TSPAN18: variants seen among roughly 807,000 people sequenced by gnomAD.
TSPAN18 encodes the protein tetraspanin-18.
A neutral mutation model predicts 27.3 loss-of-function variants in TSPAN18; 14 were observed. That is an observed-to-expected ratio of 0.51 (90% CI 0.34 to 0.80). TSPAN18 has a LOEUF of 0.80. TSPAN18 is among the 30% of genes least tolerant of loss of function. TSPAN18 has a pLI of 0.01. For synonymous variants in TSPAN18, 143 were observed against 136.5 expected (o/e 1.05, Z -0.33); for missense variants, 268 against 323.9 (o/e 0.83, Z 1.32).
chr11:44,826,746 G>A (rs1181296525), intron 2 of TSPAN18, among the ~76,000 whole-genome samples: 3 of 152,232 alleles, frequency 2.0e-5, no homozygotes, highest in Non-Finnish European at 4.4e-5. Context: ...CTGGATGTTT[G>A]TGTGCCCTTG....
intron 9 of TSPAN18, 146 bp downstream of exon 9, chr11:44,926,903 C>T (rs572180656): frequency 1.5e-4 from 108 of 739,012 alleles, no homozygotes; most frequent in South Asian, 1.3e-3. Context: ...GTGGTAAGCC[C>T]GGCTGTGTCT....
intron 2 of TSPAN18, among the ~76,000 whole-genome samples, chr11:44,853,838 G>A (rs977832297): frequency 2.6e-5 from 4 of 152,260 alleles, no homozygotes; most frequent in East Asian, 1.9e-4. Context: ...GGAGGAGGCC[G>A]CAGCCCTCTG....
chr11:44,860,216 A>G (rs757569525), intron 2 of TSPAN18, 112 bp from the exon 3 acceptor site: 11 of 152,176 alleles, frequency 7.2e-5, no homozygotes, highest in Non-Finnish European at 1.3e-4. Context: ...AGGCTCCTGC[A>G]GTCTTGGTTC....
chr11:44,795,848 AC>A, intron 2 of TSPAN18, among the ~76,000 whole-genome samples: 1 of 152,038 alleles, frequency 6.6e-6, no homozygotes, highest in South Asian at 2.1e-4. Flanking sequence ...GGCACCAAGG[AC>A]CTTTGGAGGC....
intron 2 of TSPAN18, among the ~76,000 whole-genome samples, chr11:44,772,646 C>CA (rs1855714114): frequency 1.3e-5 from 2 of 152,074 alleles, no homozygotes; most frequent in South Asian, 4.2e-4. Flanking sequence ...TATTATTTTG[C>CA]ATTGTTATTT....
At chr11:44,896,794 A>AC (rs1565196877) in intron 3 of TSPAN18, among the ~76,000 whole-genome samples, 1 of 151,616 alleles carries the variant, frequency 6.6e-6, no homozygotes, top group Non-Finnish European at 1.5e-5. Flanking sequence ...CACCACCACC[A>AC]CCACCACTAC....
At chr11:44,802,646 C>T (rs555485125) in intron 2 of TSPAN18, among the ~76,000 whole-genome samples, 79 of 150,964 alleles carry the variant, frequency 5.2e-4, no homozygotes, top group Non-Finnish European at 9.4e-4. Context: ...CAGCCTCTGG[C>T]AGGGTGGGCT....
intron 2 of TSPAN18, among the ~76,000 whole-genome samples, chr11:44,827,388 G>T (rs1375304287): frequency 6.6e-6 from 1 of 152,248 alleles, no homozygotes; most frequent in African/African-American, 2.4e-5. Context: ...CTTGGACCCT[G>T]AATGTCTGTG....
chr11:44,766,404 G>T (rs1190670519), intron 2 of TSPAN18, among the ~76,000 whole-genome samples: 1 of 152,164 alleles, frequency 6.6e-6, no homozygotes, highest in Non-Finnish European at 1.5e-5. Context: ...GGCAGCAGCT[G>T]CCCTGATCCC....
intron 8 of TSPAN18, among the ~76,000 whole-genome samples, chr11:44,920,935 AG>A (rs1281801618): frequency 3.3e-5 from 5 of 152,234 alleles, no homozygotes; most frequent in Non-Finnish European, 7.3e-5. Context: ...AAACCAGATG[AG>A]GGGCTAGAAT....
At chr11:44,803,668 G>T (rs113645709) in intron 2 of TSPAN18, among the ~76,000 whole-genome samples, 1 of 152,142 alleles carries the variant, frequency 6.6e-6, no homozygotes, top group Non-Finnish European at 1.5e-5. Flanking sequence ...GAGACGAGGG[G>T]CTGATGCAGG....
intron 2 of TSPAN18, among the ~76,000 whole-genome samples, chr11:44,766,552 G>C (rs528244485): frequency 6.6e-6 from 1 of 152,354 alleles, no homozygotes; most frequent in Admixed American, 6.5e-5. Context: ...ATCAGGGGAA[G>C]TCGTGGGCCT....
rs1855520937 is a variant in TSPAN18, at chr11:44,764,468, C to G, written c.-197C>G. ...CTGTCAGGAGGACACTGTAAGAGAA[C>G]CTTGGCACCTCTGGGCCCAAAGGGA... is the stretch of plus-strand genomic sequence containing the variant. On this transcript the variant is annotated 5_prime_UTR_variant, in exon 2 of 10. Transcript: ENST00000520358. 2 of 152,248 alleles carry G rather than the reference C, an allele frequency of 1.3e-5. No homozygotes were observed. Among genetic ancestry groups the G allele is most frequent in the Non-Finnish European group, 1.5e-5 (1 of 68,064 alleles). 9.4% of individuals were successfully genotyped at this position (152,248 alleles called of 1,614,324 possible).
chr11:44,871,162 A>T (rs1483899627), intron 3 of TSPAN18, among the ~76,000 whole-genome samples: 1 of 152,188 alleles, frequency 6.6e-6, no homozygotes, highest in African/African-American at 2.4e-5. Flanking sequence ...TGTCATTTGC[A>T]GTTTGGGCTA....
chr11:44,861,436 G>T (rs1313767251), intron 3 of TSPAN18, among the ~76,000 whole-genome samples: 1 of 143,880 alleles, frequency 7.0e-6, no homozygotes, highest in African/African-American at 2.6e-5. Flanking sequence ...CGGGGCTGTG[G>T]GGACTGGTCG....
chr11:44,873,549 C>T (rs577396795), intron 3 of TSPAN18, among the ~76,000 whole-genome samples: 18 of 152,334 alleles, frequency 1.2e-4, no homozygotes, highest in South Asian at 8.3e-4. Flanking sequence ...AGGGACTGTA[C>T]CCAGTGATGC....
chr11:44,748,644 G>A (rs1050091835), intron 1 of TSPAN18, among the ~76,000 whole-genome samples: 1 of 152,162 alleles, frequency 6.6e-6, no homozygotes, highest in Admixed American at 6.5e-5. Context: ...GTTCAAGATC[G>A]TGATTTACTC....
intron 2 of TSPAN18, among the ~76,000 whole-genome samples, chr11:44,767,018 C>T (rs1855583676): frequency 1.3e-5 from 2 of 152,144 alleles, no homozygotes; most frequent in Non-Finnish European, 2.9e-5. Flanking sequence ...GTGTAGCCTC[C>T]CAAGGTGACC....
At chr11:44,734,801 G>A (rs1191175726) in intron 1 of TSPAN18, among the ~76,000 whole-genome samples, 7 of 152,208 alleles carry the variant, frequency 4.6e-5, no homozygotes, top group African/African-American at 1.7e-4. Context: ...CTGTGTTGCT[G>A]CCTCTCCTTC....
Sources: gnomAD v4.1 joint callset for allele counts (sites outside exome capture counted in the v4.1 genomes callset) on GRCh38, gnomAD v4.1.1 for gene constraint, MANE v1.5 for transcripts, NCBI Gene and HGNC (gene_info 2026-07-23, HGNC 2026-07-21) for gene names.